Variants in TINAG observed in about 807,000 individuals in gnomAD.
The protein encoded by TINAG is tubulointerstitial nephritis antigen.
Under a neutral mutation model 72.7 loss-of-function variants are expected in TINAG, and 83 were observed. The observed-to-expected ratio is 1.14, with a 90% confidence interval of 0.96 to 1.37. The LOEUF is 1.37. Among genes scored for constraint, TINAG ranks in the 40% most tolerant of loss-of-function variants. The pLI is 0.00. For missense variants in TINAG, 685 were observed against 576.6 expected (o/e 1.19, Z -1.93); for synonymous variants, 234 against 189.9 (o/e 1.23, Z -1.91).
chr6:54,329,333 G>A (rs1280388775), intron 4 of TINAG, among the ~76,000 whole-genome samples: 8 of 152,070 alleles, frequency 5.3e-5, no homozygotes, highest in Admixed American at 5.2e-4. Flanking sequence ...CATTCTTAAA[G>A]AAAAGAATTT....
chr6:54,321,204 T>C (rs193049016), intron 2 of TINAG, 93 bp from the exon 3 acceptor site: 94 of 940,570 alleles, frequency 1.0e-4, no homozygotes, highest in Admixed American at 2.6e-4. Flanking sequence ...CAAGAAATTA[T>C]GTTTTATGCC....
intron 9 of TINAG, among the ~76,000 whole-genome samples, chr6:54,366,508 C>T (rs1356660618): frequency 2.7e-5 from 4 of 150,728 alleles, no homozygotes; most frequent in African/African-American, 9.7e-5. Context: ...ACACATAATA[C>T]ATGTCAAGTA....
intron 4 of TINAG, among the ~76,000 whole-genome samples, chr6:54,336,320 G>T (rs550537943): frequency 2.0e-5 from 3 of 152,154 alleles, no homozygotes; most frequent in African/African-American, 7.2e-5. Flanking sequence ...AGGGTTTTGA[G>T]GCAAGTTAAT....
At chr6:54,369,226 A>C (rs1476175693) in intron 9 of TINAG, among the ~76,000 whole-genome samples, 1 of 151,932 alleles carries the variant, frequency 6.6e-6, no homozygotes, top group Non-Finnish European at 1.5e-5. Context: ...AGTAATTCTC[A>C]CACGATTTTT....
intron 10 of TINAG, among the ~76,000 whole-genome samples, chr6:54,382,883 T>A (rs1763992341): frequency 6.6e-6 from 1 of 152,158 alleles, no homozygotes; most frequent in Non-Finnish European, 1.5e-5. Context: ...TTCATTCCAT[T>A]ATGATGAGTT....
rs1298722564 is a variant in TINAG at position 54,360,861 on chromosome 6, T to G, written c.1250+6225T>G. Among the ~76,000 whole-genome samples the G allele has an allele frequency of 5.3e-5, 7 of 131,892 alleles. No homozygotes were observed. In the East Asian group the frequency reaches 1.4e-3, roughly 26 times the overall value. 86.5% of individuals were successfully genotyped at this position (131,892 alleles called of 152,430 possible). The stretch of plus-strand genomic sequence containing the variant: ...ACTGTGTTTTTTTTTTTTTTTTTTT[T>G]TTTTTTTTTTTCAAATTGAAAGTTT... On this transcript the variant is annotated intron_variant, in intron 9 of 10. Transcript: ENST00000259782.
At chr6:54,339,061 T>A (rs1477573173) in intron 4 of TINAG, among the ~76,000 whole-genome samples, 2 of 152,186 alleles carry the variant, frequency 1.3e-5, no homozygotes, top group Non-Finnish European at 2.9e-5. Flanking sequence ...TTTTCACCCA[T>A]TAACACCTCT....
chr6:54,356,956 C>T (rs1044809517), intron 9 of TINAG, among the ~76,000 whole-genome samples: 4 of 150,926 alleles, frequency 2.7e-5, no homozygotes, highest in Non-Finnish European at 5.9e-5. Flanking sequence ...GACTCTGCTT[C>T]CTCCACACTC....
chr6:54,385,792 T>C (rs1449187832), intron 10 of TINAG, among the ~76,000 whole-genome samples: 1 of 151,684 alleles, frequency 6.6e-6, no homozygotes. Context: ...GTGAAACTTA[T>C]GTTAGGAATG....
At chr6:54,334,786 G>T (rs1044102280) in intron 4 of TINAG, among the ~76,000 whole-genome samples, 5 of 152,088 alleles carry the variant, frequency 3.3e-5, no homozygotes, top group Non-Finnish European at 5.9e-5. Flanking sequence ...TATAGCGTTG[G>T]CCAATTCAGG....
At chr6:54,357,790 T>C (rs945090893) in intron 9 of TINAG, among the ~76,000 whole-genome samples, 2 of 151,972 alleles carry the variant, frequency 1.3e-5, no homozygotes, top group Admixed American at 1.3e-4. Flanking sequence ...TTTACTGCAT[T>C]GATCTTCGCT....
rs144247186 is a variant in TINAG at position 54,357,129 on chromosome 6, T to G, written c.1250+2493T>G. Among the ~76,000 whole-genome samples, 854 of 152,058 alleles carry G rather than the reference T, an allele frequency of 5.6e-3. 10 individuals carry two copies. The highest frequency in any genetic ancestry group is 0.02 in the African/African-American group (812 of 41,542). ...AGGTTATCAAAGGCATCCACATTGC[T>G]AAATTCATTGGTCAGATCCCAGACC... is the stretch of plus-strand genomic sequence containing the variant. On this transcript the variant is annotated intron_variant, in intron 9 of 10. Coordinates refer to ENST00000259782, the MANE Select transcript of TINAG (RefSeq NM_014464.4).
intron 9 of TINAG, among the ~76,000 whole-genome samples, chr6:54,361,440 C>T (rs1242435870): frequency 6.6e-6 from 1 of 151,376 alleles, no homozygotes; most frequent in Non-Finnish European, 1.5e-5. Flanking sequence ...CTTCACATGG[C>T]GATAGGAGAG....
chr6:54,327,151 A>T, intron 4 of TINAG: 2 of 1,547,462 alleles, frequency 1.3e-6, no homozygotes, highest in Non-Finnish European at 1.7e-6. Flanking sequence ...GAATGATTGA[A>T]TGGGCTGGCA....
intron 3 of TINAG, among the ~76,000 whole-genome samples, chr6:54,322,027 C>T (rs779624011): frequency 3.3e-5 from 5 of 152,076 alleles, no homozygotes; most frequent in Admixed American, 2.0e-4. Context: ...ACTGGCCCGG[C>T]GAGGTGGCTT....
chr6:54,347,491 G>A lies in TINAG; in HGVS notation c.873G>A (p.Arg291=). 1 of 1,612,886 alleles carries A rather than the reference G, an allele frequency of 6.2e-7. No homozygotes were observed. The highest frequency in any genetic ancestry group is 8.5e-7 in the Non-Finnish European group (1 of 1,179,330). ...RHGCNSGSID[R]AWWYLRKRGL... ...GATGCAATAGTGGAAGCATCGATAG[G>A]GCTTGGTGGTACCTGAGAAAACGTG... Residue 291 remains arginine (R), a synonymous_variant, in exon 6 of 11, where the codon AGG becomes AGA. Transcript: ENST00000259782.
rs1253098758 is a variant in TINAG, at chr6:54,326,899, A to G, written c.607A>G (p.Ser203Gly). ...TTTGCCACCTAGTCCCATGCTCCTGAGCATGAATGAAATGACAGTAAGTGT... is the reference window on the plus strand; with the variant it reads ...TTTGCCACCTAGTCCCATGCTCCTGGGCATGAATGAAATGACAGTAAGTGT... ...GTLPPSPMLL[S>G]MNEMTASLPA... Residue 203 changes from serine (S) to glycine (G), a missense_variant, in exon 4 of 11, where the codon AGC (serine) becomes GGC (glycine). Coordinates refer to ENST00000259782, the MANE Select transcript of TINAG (RefSeq NM_014464.4). 2 of 1,613,216 alleles carry G rather than the reference A, an allele frequency of 1.2e-6. No individual in the cohort carries two copies. Among genetic ancestry groups the G allele is most frequent in the Middle Eastern group, 1.7e-4 (1 of 6,054 alleles).
intron 7 of TINAG, 118 bp from the exon 8 acceptor site, chr6:54,351,234 G>A (rs1471375528): frequency 2.9e-5 from 22 of 768,528 alleles, no homozygotes; most frequent in Non-Finnish European, 3.6e-5. Context: ...CATAATATAC[G>A]TGAGTTTTTC....
At position 54,371,419 on chromosome 6, in the gene TINAG, G is replaced by T. The variant is rs1312637835; in HGVS notation, c.1251-9107G>T. ...TTATGCTCACTTTATACTTTCTTTA[G>T]TTTTTAAAATTCAAACGTTCTTTAA... On this transcript the variant is annotated intron_variant, in intron 9 of 10. Transcript: ENST00000259782. Among the ~76,000 whole-genome samples the T allele has an allele frequency of 2.6e-5, 4 of 151,510 alleles. 1 individual carries two copies. Among genetic ancestry groups the T allele is most frequent in the South Asian group, 2.1e-4 (1 of 4,798 alleles).
Sources: gnomAD v4.1 joint callset for allele counts (sites outside exome capture counted in the v4.1 genomes callset) on GRCh38, gnomAD v4.1.1 for gene constraint, MANE v1.5 for transcripts, NCBI Gene and HGNC (gene_info 2026-07-23, HGNC 2026-07-21) for gene names.